The following PFN1 variants were observed in gnomAD, a reference collection of about 807,000 sequenced individuals.
The protein encoded by PFN1 is profilin-1.
In PFN1, 2 loss-of-function variants were observed where a neutral mutation model predicts 11.7. That is an observed-to-expected ratio of 0.17 (90% CI 0.07 to 0.54). The LOEUF (loss-of-function observed/expected upper bound fraction) is 0.54, where lower values mean the gene tolerates loss of function less well. Ranked by LOEUF, PFN1 falls within the 20% of genes least tolerant of loss-of-function variation. PFN1 has a pLI of 0.94. For synonymous variants in PFN1, 78 were observed against 76.2 expected, an observed-to-expected ratio of 1.02 and a Z score of -0.12; for missense variants, 97 against 188.4, an observed-to-expected ratio of 0.51 and a Z score of 2.84.
rs911464110 is a variant in PFN1, at chr17:4,947,023, G to A, written c.133-203C>T. On this transcript the variant is annotated intron_variant, in intron 1 of 2. Coordinates refer to ENST00000225655, the MANE Select transcript of PFN1 (RefSeq NM_005022.4). The stretch of plus-strand genomic sequence containing the variant: ...TAGTGCAGAAAAAGATCATGATTCT[G>A]AAACTTAGAATATGGAACCAGGGAG... 7 of 472,928 alleles carry A rather than the reference G, an allele frequency of 1.5e-5. No individual in the cohort carries two copies. The Admixed American group carries it at 2.8e-4, about 19-fold the overall frequency. 29.3% of individuals were successfully genotyped at this position (472,928 alleles called of 1,614,324 possible). A position where few individuals can be genotyped will look rare whatever the true frequency, so the allele number is the denominator to read the frequency against.
intron 2 of PFN1, 122 bp downstream of exon 2, chr17:4,946,504 AAC>A: frequency 1.4e-6 from 1 of 710,076 alleles, no homozygotes; most frequent in Non-Finnish European, 2.3e-6. Context: ...GCAGACAAGG[AAC>A]ACAATACTGG....
At position 4,948,498 on chromosome 17, in the gene PFN1, C is replaced by G; in HGVS notation, c.-104G>C. 1 of 1,292,716 alleles carries G rather than the reference C, an allele frequency of 7.7e-7. No individual in the cohort carries two copies. The highest frequency in any genetic ancestry group is 1.0e-6 in the Non-Finnish European group (1 of 990,000). 80.1% of individuals were successfully genotyped at this position (1,292,716 alleles called of 1,614,324 possible). On this transcript the variant is annotated 5_prime_UTR_variant, in exon 1 of 3. Transcript: ENST00000225655. ...GGGGAGGCGGAGAGCTCGGGGCACGCGCTGCCGTCCGGACCGCGGCTCCGC... is the reference window on the plus strand; with the variant it reads ...GGGGAGGCGGAGAGCTCGGGGCACGGGCTGCCGTCCGGACCGCGGCTCCGC...
Position 4,946,722 on chromosome 17 carries a change from T to A in PFN1, c.231A>T (p.Ser77=). 6.2e-7 allele frequency: 1 copy of A among 1,614,130 alleles called. No individual in the cohort carries two copies. Among genetic ancestry groups the A allele is most frequent in the African/African-American group, 1.3e-5 (1 of 75,050 alleles). ...GGQKCSVIRD[S]LLQDGEFSMD... is the part of the protein sequence containing the mutation. Reference sequence around the variant, plus strand: ...TGCTAAATTCCCCATCCTGCAGCAGTGAGTCCCGGATCACCGAACATTTCT... The same window carrying A: ...TGCTAAATTCCCCATCCTGCAGCAGAGAGTCCCGGATCACCGAACATTTCT... Residue 77 remains serine, a synonymous_variant, in exon 2 of 3, where the codon TCA becomes TCT. Transcript: ENST00000225655.
At chr17:4,947,423 G>A (rs550153667) in intron 1 of PFN1, 1 of 151,870 alleles carries the variant, frequency 6.6e-6, no homozygotes, top group Non-Finnish European at 1.5e-5. Flanking sequence ...CTCGGGTCTA[G>A]GTACCCCGGG....
rs760599883 is a variant in PFN1 at position 4,948,447 on chromosome 17, C to G, written c.-53G>C. The G allele has an allele frequency of 6.6e-7, 1 of 1,519,768 alleles. No individual in the cohort carries two copies. The highest frequency in any genetic ancestry group is 8.8e-7 in the Non-Finnish European group (1 of 1,140,388). The allele number at this position is 1,519,768 out of a possible 1,614,324, so 94.1% of individuals were successfully genotyped here. ...GCTGCTGCTGGGGCCGCGGACTGGGCTCGAGCTGCCTCGGCTGGCGGGCGG... is the reference window on the plus strand; with the variant it reads ...GCTGCTGCTGGGGCCGCGGACTGGGGTCGAGCTGCCTCGGCTGGCGGGCGG... On this transcript the variant is annotated 5_prime_UTR_variant, in exon 1 of 3. Coordinates refer to ENST00000225655, the MANE Select transcript of PFN1 (RefSeq NM_005022.4).
chr17:4,948,498 C>T lies in PFN1; in HGVS notation c.-104G>A. The T allele has an allele frequency of 1.5e-6, 2 of 1,292,718 alleles. No individual in the cohort carries two copies. Among genetic ancestry groups the T allele is most frequent in the Non-Finnish European group, 1.0e-6 (1 of 990,002 alleles). The allele number at this position is 1,292,718 out of a possible 1,614,324, so 80.1% of individuals were successfully genotyped here. On this transcript the variant is annotated 5_prime_UTR_variant, in exon 1 of 3. Coordinates refer to ENST00000225655, the MANE Select transcript of PFN1 (RefSeq NM_005022.4). ...GGGGAGGCGGAGAGCTCGGGGCACG[C>T]GCTGCCGTCCGGACCGCGGCTCCGC...
Position 4,946,673 on chromosome 17 carries a change from C to A in PFN1, c.280G>T (p.Gly94Cys), listed in dbSNP as rs759969693. Reference sequence around the variant, plus strand: ...GTGACATTGAAGGTGGGGGCCCCACCGGTGCTCTTGGTACGAAGATCCATG... The same window carrying A: ...GTGACATTGAAGGTGGGGGCCCCACAGGTGCTCTTGGTACGAAGATCCATG... ...FSMDLRTKST[G>C]GAPTFNVTVT... is the part of the protein sequence containing the mutation. The change falls in exon 2 of 3, where the codon GGT becomes TGT. Residue 94 changes from glycine to cysteine, a missense_variant. Coordinates refer to ENST00000225655, the MANE Select transcript of PFN1 (RefSeq NM_005022.4). 5.6e-6 allele frequency: 9 copies of A among 1,613,774 alleles called. No individual in the cohort carries two copies. The East Asian group carries it at 1.6e-4, about 28-fold the overall frequency.
Position 4,945,775 on chromosome 17 carries a change from A to T in PFN1, c.*125T>A. The T allele has an allele frequency of 3.1e-6, 2 of 648,516 alleles. No homozygotes were observed. The highest frequency in any genetic ancestry group is 5.7e-6 in the Non-Finnish European group (2 of 349,436). 40.2% of individuals were successfully genotyped at this position (648,516 alleles called of 1,614,324 possible). A position where few individuals can be genotyped will look rare whatever the true frequency, so the allele number is the denominator to read the frequency against. ...TCCATCCAGCCCTGGCCCCCAGCCCATGTGGTTTTGGCAGCAATAAGGGGT... is the reference window on the plus strand; with the variant it reads ...TCCATCCAGCCCTGGCCCCCAGCCCTTGTGGTTTTGGCAGCAATAAGGGGT... On this transcript the variant is annotated 3_prime_UTR_variant, in exon 3 of 3. Transcript: ENST00000225655.
intron 1 of PFN1, among the ~76,000 whole-genome samples, chr17:4,947,724 C>CT (rs1358798902): frequency 5.3e-5 from 8 of 151,010 alleles, no homozygotes; most frequent in Non-Finnish European, 1.2e-4. Context: ...ACGTGCTGAG[C>CT]TGGGGGGGCG....
At chr17:4,947,002 G>C (rs1300678381) in intron 1 of PFN1, 182 bp from the exon 2 acceptor site, 1 of 482,330 alleles carries the variant, frequency 2.1e-6, no homozygotes, top group Non-Finnish European at 3.6e-6. Flanking sequence ...GGACGTTAGT[G>C]CAGAAAAAGA....
In PFN1 at chr17:4,948,224, A is replaced by T. The variant is rs544516680; in HGVS notation, c.132+39T>A. The stretch of plus-strand genomic sequence containing the variant: ...CCCAAGTCCCTCCCTCAGGGTCCAA[A>T]CCGGAGCAGTGCCCCGGACCGCGCA... On this transcript the variant is annotated intron_variant, in intron 1 of 2. Coordinates refer to ENST00000225655, the MANE Select transcript of PFN1 (RefSeq NM_005022.4). 231 of 1,569,858 alleles carry T rather than the reference A, an allele frequency of 1.5e-4. 3 individuals are homozygous for T. The South Asian group carries it at 2.6e-3, about 17-fold the overall frequency.
chr17:4,946,492 C>T (rs770823219), intron 2 of PFN1, 136 bp downstream of exon 2: 28 of 663,402 alleles, frequency 4.2e-5, no homozygotes, highest in Non-Finnish European at 6.6e-5. Flanking sequence ...TTCCAGCATC[C>T]AGCAGACAAG....
chr17:4,947,849 G>A (rs1214185085), intron 1 of PFN1, among the ~76,000 whole-genome samples: 4 of 152,172 alleles, frequency 2.6e-5, no homozygotes, highest in Non-Finnish European at 2.9e-5. Context: ...AGAAACAATG[G>A]TAGAGGGACG....
At position 4,946,139 on chromosome 17, in the gene PFN1, AGGCT is replaced by A. The variant is rs1971385899; in HGVS notation, c.326-146_326-143del. ...ACCCGCCCCCCCACCACACACAGGC[AGGCT>A]GTCAGTCACCCTGAAACAATAAGGC... On this transcript the variant is annotated intron_variant, in intron 2 of 2. Coordinates refer to ENST00000225655, the MANE Select transcript of PFN1 (RefSeq NM_005022.4). 53 of 595,826 alleles carry A rather than the reference AGGCT, an allele frequency of 8.9e-5. No individual in the cohort carries two copies. In the South Asian group the frequency reaches 9.9e-4, roughly 11 times the overall value. The allele number at this position is 595,826 out of a possible 1,614,324, so 36.9% of individuals were successfully genotyped here.
Position 4,948,469 on chromosome 17 carries a change from G to A in PFN1, c.-75C>T, listed in dbSNP as rs749885405. On this transcript the variant is annotated 5_prime_UTR_variant, in exon 1 of 3. Transcript: ENST00000225655. ...GGGCTCGAGCTGCCTCGGCTGGCGG[G>A]CGGGGGGAGGCGGAGAGCTCGGGGC... The A allele has an allele frequency of 3.4e-6, 5 of 1,450,428 alleles. No homozygotes were observed. In the East Asian group the frequency reaches 1.4e-4, roughly 39 times the overall value. The allele number at this position is 1,450,428 out of a possible 1,614,324, so 89.8% of individuals were successfully genotyped here.
Position 4,948,345 on chromosome 17 carries a change from C to A in PFN1, c.50G>T (p.Cys17Phe). 1 of 1,610,944 alleles carries A rather than the reference C, an allele frequency of 6.2e-7. No homozygotes were observed. Among genetic ancestry groups the A allele is most frequent in the Non-Finnish European group, 8.5e-7 (1 of 1,179,180 alleles). ...YIDNLMADGTCQDAAIVGYKD... is the reference protein window; with the variant it reads ...YIDNLMADGTFQDAAIVGYKD... ...GTAGCCCACGATGGCCGCGTCCTGA[C>A]AGGTCCCGTCCGCCATGAGGTTGTC... The change falls in exon 1 of 3, where the codon TGT (cysteine) becomes TTT (phenylalanine). Residue 17 changes from cysteine to phenylalanine, a missense_variant. Physicochemically the swap from Cys to Phe is radical, Grantham distance 205 (BLOSUM62 -2). Coordinates refer to ENST00000225655, the MANE Select transcript of PFN1 (RefSeq NM_005022.4).
intron 1 of PFN1, chr17:4,947,125 CAGTGAGGTA>C (rs1238518391): frequency 5.5e-6 from 1 of 180,530 alleles, no homozygotes; most frequent in African/African-American, 2.5e-5. Flanking sequence ...TAAAGGGAGT[CAGTGAGGTA>C]AGTGAGGAGC....
chr17:4,946,893 C>T (rs1393686534), intron 1 of PFN1, 73 bp from the exon 2 acceptor site: 2 of 1,405,398 alleles, frequency 1.4e-6, no homozygotes, highest in East Asian at 2.3e-5. Context: ...CAAAGACCCA[C>T]CTGTCTTCCA....
At chr17:4,946,497 G>A in intron 2 of PFN1, 131 bp downstream of exon 2, 1 of 682,218 alleles carries the variant, frequency 1.5e-6, no homozygotes, top group East Asian at 2.6e-5. Flanking sequence ...GCATCCAGCA[G>A]ACAAGGAACA....
Sources: gnomAD v4.1 joint callset for allele counts (sites outside exome capture counted in the v4.1 genomes callset) on GRCh38, gnomAD v4.1.1 for gene constraint, MANE v1.5 for transcripts, NCBI Gene and HGNC (gene_info 2026-07-23, HGNC 2026-07-21) for gene names.